Variants in IGFBP7 observed in about 807,000 individuals in gnomAD.
IGFBP7 encodes the protein insulin like growth factor binding protein 7, also known as insulin-like growth factor-binding protein 7.
In IGFBP7, 31 loss-of-function variants were observed where a neutral mutation model predicts 29.4. The ratio of observed to expected loss-of-function variants is 1.05; its 90% CI spans 0.79 to 1.42. IGFBP7 has a LOEUF of 1.42. IGFBP7 is among the 40% of genes most tolerant of loss of function. The pLI is 0.00. For missense variants in IGFBP7, 393 were observed against 395.5 expected, an observed-to-expected ratio of 0.99 and a Z score of 0.05; for synonymous variants, 172 against 174.9, an observed-to-expected ratio of 0.98 and a Z score of 0.13.
At chr4:57,043,233 C>T (rs1038092710) in intron 1 of IGFBP7, among the ~76,000 whole-genome samples, 3 of 152,200 alleles carry the variant, frequency 2.0e-5, no homozygotes, top group Admixed American at 1.3e-4. Context: ...CTGGGATCCT[C>T]ATGTGGGGCA....
At chr4:57,071,082 A>C (rs1335397895) in intron 1 of IGFBP7, among the ~76,000 whole-genome samples, 1 of 152,248 alleles carries the variant, frequency 6.6e-6, no homozygotes, top group Non-Finnish European at 1.5e-5. Flanking sequence ...AGGTGGTGGC[A>C]AAGCCTGTCT....
intron 1 of IGFBP7, among the ~76,000 whole-genome samples, chr4:57,069,081 T>C (rs1202578833): frequency 6.6e-6 from 1 of 152,262 alleles, no homozygotes; most frequent in East Asian, 1.9e-4. Flanking sequence ...ATCACCAGTT[T>C]GAACCGCCAG....
intron 1 of IGFBP7, among the ~76,000 whole-genome samples, chr4:57,060,237 T>G (rs1307071050): frequency 6.6e-6 from 1 of 151,960 alleles, no homozygotes; most frequent in Non-Finnish European, 1.5e-5. Context: ...TGTTCTCGAG[T>G]CCAATAACAA....
intron 2 of IGFBP7, among the ~76,000 whole-genome samples, chr4:57,034,436 C>G (rs1033666899): frequency 1.3e-5 from 2 of 151,944 alleles, no homozygotes; most frequent in Admixed American, 6.6e-5. Context: ...ATTGATATTA[C>G]CTTTGTAATT....
At chr4:57,086,653 T>C (rs1015323873) in intron 1 of IGFBP7, among the ~76,000 whole-genome samples, 5 of 152,226 alleles carry the variant, frequency 3.3e-5, no homozygotes, top group African/African-American at 1.2e-4. Context: ...GCTTGGGTTT[T>C]GGTATCTAGA....
At chr4:57,103,995 C>T (rs1725963808) in intron 1 of IGFBP7, among the ~76,000 whole-genome samples, 1 of 152,102 alleles carries the variant, frequency 6.6e-6, no homozygotes, top group Non-Finnish European at 1.5e-5. Flanking sequence ...AACATCTTGC[C>T]AATCCTGTCC....
chr4:57,031,778 C>A (rs908718572), intron 4 of IGFBP7, among the ~76,000 whole-genome samples: 2 of 152,198 alleles, frequency 1.3e-5, no homozygotes, highest in Non-Finnish European at 2.9e-5. Flanking sequence ...TGACCAAATA[C>A]TTCTTTACTT....
At chr4:57,061,567 C>T (rs532621620) in intron 1 of IGFBP7, among the ~76,000 whole-genome samples, 2 of 152,138 alleles carry the variant, frequency 1.3e-5, no homozygotes, top group African/African-American at 2.4e-5. Context: ...GTGTTGACAG[C>T]GTGGATACCC....
intron 1 of IGFBP7, among the ~76,000 whole-genome samples, chr4:57,066,616 T>G (rs919881804): frequency 1.3e-5 from 2 of 151,978 alleles, no homozygotes; most frequent in South Asian, 2.1e-4. Context: ...CAGGCTGGAG[T>G]GCATTGGTGT....
At chr4:57,061,070 A>T (rs1006180433) in intron 1 of IGFBP7, among the ~76,000 whole-genome samples, 1 of 151,956 alleles carries the variant, frequency 6.6e-6, no homozygotes, top group Non-Finnish European at 1.5e-5. Context: ...AAACAAAAAA[A>T]ATTCTTACTG....
At chr4:57,097,119 A>C (rs1640769204) in intron 1 of IGFBP7, among the ~76,000 whole-genome samples, 1 of 152,224 alleles carries the variant, frequency 6.6e-6, no homozygotes, top group South Asian at 2.1e-4. Context: ...CCTATGTATA[A>C]AATACTGGTA....
intron 1 of IGFBP7, chr4:57,073,154 T>G (rs1725100893): frequency 6.3e-7 from 1 of 1,578,162 alleles, no homozygotes; most frequent in South Asian, 1.1e-5. Flanking sequence ...CAGCCTGTCC[T>G]TGTGTCGTCT....
chr4:57,061,620 A>G (rs1347237672), intron 1 of IGFBP7, among the ~76,000 whole-genome samples: 1 of 152,152 alleles, frequency 6.6e-6, no homozygotes, highest in Non-Finnish European at 1.5e-5. Context: ...ACAGAGCTGG[A>G]TGGGGTGAGA....
intron 1 of IGFBP7, among the ~76,000 whole-genome samples, chr4:57,071,675 C>A (rs976849633): frequency 1.3e-5 from 2 of 152,180 alleles, no homozygotes; most frequent in African/African-American, 2.4e-5. Flanking sequence ...TCTAAGGGAG[C>A]CACATCAGCC....
At chr4:57,042,028 A>T (rs1012350696) in intron 1 of IGFBP7, among the ~76,000 whole-genome samples, 1 of 152,192 alleles carries the variant, frequency 6.6e-6, no homozygotes, top group Admixed American at 6.5e-5. Context: ...GGCAGGAGGC[A>T]TTGGCAAGTG....
chr4:57,086,344 T>C (rs1267818648), intron 1 of IGFBP7, among the ~76,000 whole-genome samples: 2 of 152,154 alleles, frequency 1.3e-5, no homozygotes, highest in African/African-American at 4.8e-5. Context: ...CCAAACCATA[T>C]CAGGAGCCCC....
At chr4:57,105,546 A>C (rs1314257176) in intron 1 of IGFBP7, among the ~76,000 whole-genome samples, 3 of 152,260 alleles carry the variant, frequency 2.0e-5, no homozygotes, top group African/African-American at 7.2e-5. Flanking sequence ...GATAATATTC[A>C]TGACATTTAA....
Position 57,040,891 on chromosome 4 carries a change from G to GGT in IGFBP7, c.517_518insAC (p.Thr173AsnfsTer8). 1 of 1,614,178 alleles carries GGT rather than the reference G, an allele frequency of 6.2e-7. No homozygotes were observed. Among genetic ancestry groups the GGT allele is most frequent in the East Asian group, 2.2e-5 (1 of 44,886 alleles). On this transcript the variant is annotated frameshift_variant, in exon 2 of 5. Transcript: ENST00000295666. LOFTEE classifies it high-confidence loss of function. ...ACAGCTCAAGTACACCTGGGCACCA[G>GGT]TGACATTCCAGATGTCCTTGGGGGG...
chr4:57,093,831 A>G (rs777211741), intron 1 of IGFBP7, among the ~76,000 whole-genome samples: 99 of 152,182 alleles, frequency 6.5e-4, no homozygotes, highest in Admixed American at 2.7e-3. Flanking sequence ...TAATTCATTT[A>G]TGTACTACCA....
Sources: allele counts gnomAD v4.1 joint callset (sites outside exome capture counted in the v4.1 genomes callset), GRCh38; gene constraint gnomAD v4.1.1; transcripts MANE v1.5; gene names NCBI Gene and HGNC (gene_info 2026-07-23, HGNC 2026-07-21).